The following UIMC1 variants were observed in gnomAD, a reference collection of about 807,000 sequenced individuals.
UIMC1 encodes the protein BRCA1-A complex subunit RAP80.
In UIMC1, 42 loss-of-function variants were observed where a neutral mutation model predicts 84.9. The ratio of observed to expected loss-of-function variants is 0.49; its 90% CI spans 0.39 to 0.64. UIMC1 has a LOEUF of 0.64. Ranked by LOEUF, UIMC1 falls within the 30% of genes least tolerant of loss-of-function variation. UIMC1 has a pLI of 0.00. For synonymous variants in UIMC1, 281 were observed against 293.0 expected, an observed-to-expected ratio of 0.96 and a Z score of 0.42; for missense variants, 825 against 847.6, an observed-to-expected ratio of 0.97 and a Z score of 0.33.
intron 10 of UIMC1, among the ~76,000 whole-genome samples, chr5:176,923,640 G>A (rs1355115210): frequency 1.3e-5 from 2 of 151,664 alleles, no homozygotes; most frequent in Admixed American, 1.3e-4. Context: ...GAGGCGGACA[G>A]ATCACTTGAG....
intron 10 of UIMC1, among the ~76,000 whole-genome samples, chr5:176,927,078 G>A (rs1017325935): frequency 6.6e-6 from 1 of 152,076 alleles, no homozygotes; most frequent in African/African-American, 2.4e-5. Context: ...AAGACCAGTA[G>A]TGGTCAGGTA....
intron 10 of UIMC1, among the ~76,000 whole-genome samples, chr5:176,942,882 C>G (rs923741627): frequency 6.6e-6 from 1 of 151,872 alleles, no homozygotes; most frequent in African/African-American, 2.4e-5. Context: ...TGGCGAAACC[C>G]TGTCTCTACT....
At chr5:176,985,413 AC>A (rs1771815098) in intron 1 of UIMC1, among the ~76,000 whole-genome samples, 1 of 150,556 alleles carries the variant, frequency 6.6e-6, no homozygotes, top group East Asian at 2.0e-4. Flanking sequence ...CTGAGATCGC[AC>A]CACTGCATTC....
At chr5:177,017,466 CA>C (rs1775696880) in intron 1 of UIMC1, among the ~76,000 whole-genome samples, 1 of 152,138 alleles carries the variant, frequency 6.6e-6, no homozygotes, top group South Asian at 2.1e-4. Context: ...CGGTTCACTG[CA>C]ACCTCCGTCT....
At position 176,907,166 on chromosome 5, in the gene UIMC1, G is replaced by C. The variant is rs1759497111; in HGVS notation, c.1860C>G (p.His620Gln). The change falls in exon 13 of 15, where the codon CAC (histidine) becomes CAG (glutamine). Residue 620 changes from histidine (H) to glutamine (Q), a missense_variant. His to Gln is a conservative substitution (Grantham distance 24). Coordinates refer to ENST00000511320, the MANE Select transcript of UIMC1 (RefSeq NM_001199298.2). Reference sequence around the variant, plus strand: ...AGAAACTAAGGAGTCGGCCTTCACTGTGGCCTTTTTCCTGTAACAGAGAAA... The same window carrying C: ...AGAAACTAAGGAGTCGGCCTTCACTCTGGCCTTTTTCCTGTAACAGAGAAA... ...QRLKNPKEKG[H>Q]SEGRLLSFLE... The C allele has an allele frequency of 6.2e-6, 10 of 1,613,492 alleles. No individual in the cohort carries two copies. The highest frequency in any genetic ancestry group is 8.5e-6 in the Non-Finnish European group (10 of 1,179,772).
chr5:176,916,761 A>G (rs944647690), intron 10 of UIMC1, among the ~76,000 whole-genome samples: 1 of 152,188 alleles, frequency 6.6e-6, no homozygotes, highest in African/African-American at 2.4e-5. Context: ...ACCAGTGACC[A>G]CTAGCTAGCC....
chr5:176,960,213 C>T (rs552111014), intron 6 of UIMC1, among the ~76,000 whole-genome samples: 1 of 152,288 alleles, frequency 6.6e-6, no homozygotes, highest in African/African-American at 2.4e-5. Flanking sequence ...TGGTCAAAAT[C>T]GTAGCGCTGA....
chr5:176,951,356 C>A, intron 9 of UIMC1, 118 bp downstream of exon 9: 4 of 635,534 alleles, frequency 6.3e-6, no homozygotes, highest in Non-Finnish European at 7.7e-6. Context: ...ACATAAGGGC[C>A]CCCAAAACTA....
At chr5:177,020,542 T>A (rs1273548512) in intron 1 of UIMC1, among the ~76,000 whole-genome samples, 1 of 152,216 alleles carries the variant, frequency 6.6e-6, no homozygotes, top group Non-Finnish European at 1.5e-5. Context: ...ACCATTCTCC[T>A]GCCTCAGCCT....
upstream of UIMC1, among the ~76,000 whole-genome samples, chr5:177,010,352 G>A (rs1029753439): frequency 6.6e-5 from 10 of 152,266 alleles, no homozygotes; most frequent in Middle Eastern, 3.4e-3. Context: ...TTGCTGTGTC[G>A]TCAAAATTAG....
At chr5:176,960,128 A>G (rs1767158858) in intron 6 of UIMC1, among the ~76,000 whole-genome samples, 1 of 152,242 alleles carries the variant, frequency 6.6e-6, no homozygotes, top group South Asian at 2.1e-4. Flanking sequence ...CAACTTAAGA[A>G]GCAAAAACCA....
At position 176,927,748 on chromosome 5, in the gene UIMC1, C is replaced by T. The variant is rs60891501; in HGVS notation, c.1597+15587G>A. On this transcript the variant is annotated intron_variant, in intron 10 of 14. Coordinates refer to ENST00000511320, the MANE Select transcript of UIMC1 (RefSeq NM_001199298.2). Reference sequence around the variant, plus strand: ...ACATTTTGAAAAACCAGTTCTCAGCCGGGTGTGGCCTGTTTCAAAAAAAAA... The same window carrying T: ...ACATTTTGAAAAACCAGTTCTCAGCTGGGTGTGGCCTGTTTCAAAAAAAAA... 1.5e-3 allele frequency among the ~76,000 whole-genome samples: 222 copies of T among 151,436 alleles called. 13 individuals are homozygous for T. The East Asian group carries it at 0.04, about 27-fold the overall frequency.
chr5:176,908,292 G>T (rs537559790), intron 12 of UIMC1, among the ~76,000 whole-genome samples: 1 of 152,150 alleles, frequency 6.6e-6, no homozygotes, highest in African/African-American at 2.4e-5. Context: ...TATAGGTGAT[G>T]ATTTCCCCTG....
rs201209092 is a variant in UIMC1 at position 177,012,705 on chromosome 5, CA to C, written c.-9+9758del. 9.1e-3 allele frequency among the ~76,000 whole-genome samples: 1,381 copies of C among 151,190 alleles called. 8 individuals are homozygous for C. Among genetic ancestry groups the C allele is most frequent in the South Asian group, 0.025 (119 of 4,714 alleles). On this transcript the variant is annotated intron_variant, in intron 1 of 5. Coordinates refer to the UIMC1 transcript ENST00000509236. ...TAGACCCTGTCTAAAAAAAAGAACCCAAAAACCACACAAAAAGAAACCACAC... is the reference window on the plus strand; with the variant it reads ...TAGACCCTGTCTAAAAAAAAGAACCCAAAACCACACAAAAAGAAACCACAC...
chr5:176,979,712 T>G (rs1770719876), intron 2 of UIMC1, among the ~76,000 whole-genome samples: 1 of 152,182 alleles, frequency 6.6e-6, no homozygotes, highest in African/African-American at 2.4e-5. Flanking sequence ...TTTAAAACCA[T>G]GCATTTATAT....
intron 12 of UIMC1, 123 bp downstream of exon 12, chr5:176,908,400 G>A (rs927083862): frequency 3.0e-6 from 3 of 985,390 alleles, no homozygotes; most frequent in Non-Finnish European, 4.3e-6. Context: ...CACAAATCTT[G>A]TTTCAAGATA....
At chr5:176,929,199 G>A (rs982840931) in intron 10 of UIMC1, among the ~76,000 whole-genome samples, 1 of 151,590 alleles carries the variant, frequency 6.6e-6, no homozygotes, top group Non-Finnish European at 1.5e-5. Flanking sequence ...AGGTTGCAGT[G>A]AGCCAAGATC....
At chr5:176,927,565 A>C (rs1029691334) in intron 10 of UIMC1, among the ~76,000 whole-genome samples, 1 of 152,072 alleles carries the variant, frequency 6.6e-6, no homozygotes, top group Non-Finnish European at 1.5e-5. Context: ...AATTTCAATT[A>C]AAAAAAGAGA....
chr5:176,950,885 A>G (rs569210544), intron 9 of UIMC1, among the ~76,000 whole-genome samples: 257 of 152,182 alleles, frequency 1.7e-3, no homozygotes, highest in African/African-American at 5.9e-3. Flanking sequence ...AAAAGAAAAG[A>G]AAAGGAAAAA....
Sources: allele counts gnomAD v4.1 joint callset (sites outside exome capture counted in the v4.1 genomes callset), GRCh38; gene constraint gnomAD v4.1.1; transcripts MANE v1.5; gene names NCBI Gene and HGNC (gene_info 2026-07-23, HGNC 2026-07-21).